MBNL1: variants seen among roughly 807,000 people sequenced by gnomAD.
MBNL1 encodes muscleblind like splicing regulator 1.
A neutral mutation model predicts 42.2 loss-of-function variants in MBNL1; 8 were observed. That is an observed-to-expected ratio of 0.19 (90% CI 0.11 to 0.34). The LOEUF is 0.34. Ranked by LOEUF, MBNL1 falls within the 10% of genes least tolerant of loss-of-function variation. The probability of loss-of-function intolerance (pLI) is 1.00; values close to 1 mark genes in which losing one functional copy is unlikely to be tolerated. For missense variants in MBNL1, 309 were observed against 495.3 expected (o/e 0.62, Z 3.57); for synonymous variants, 169 against 173.9 (o/e 0.97, Z 0.22).
At chr3:152,264,951 T>C (rs550707619), upstream of MBNL1, 9 of 152,160 alleles carry the variant, frequency 5.9e-5, no homozygotes, top group African/African-American at 2.2e-4. Flanking sequence ...ATACATATTT[T>C]TATTTTTAAA....
chr3:152,344,402 C>G (rs951861607), intron 2 of MBNL1, among the ~76,000 whole-genome samples: 1 of 152,114 alleles, frequency 6.6e-6, no homozygotes, highest in African/African-American at 2.4e-5. Context: ...TTTAGGTAGT[C>G]CTAACAGGTA....
chr3:152,456,136 G>A, intron 7 of MBNL1, 131 bp from the exon 8 acceptor site: 1 of 670,660 alleles, frequency 1.5e-6, no homozygotes, highest in Non-Finnish European at 2.8e-6. Flanking sequence ...GTCACTCGCT[G>A]GTGATGATGT....
chr3:152,253,437 T>A (rs1229816817), intron 2 of MBNL1, among the ~76,000 whole-genome samples: 1 of 152,144 alleles, frequency 6.6e-6, no homozygotes, highest in Non-Finnish European at 1.5e-5. Context: ...GACGTCTCTG[T>A]TTTTGTGTTA....
At position 152,269,046 on chromosome 3, in the gene MBNL1, G is replaced by T; in HGVS notation, c.-836G>T. The T allele has an allele frequency of 2.2e-6, 1 of 456,164 alleles. No individual in the cohort carries two copies. Among genetic ancestry groups the T allele is most frequent in the Non-Finnish European group, 4.4e-6 (1 of 226,950 alleles). 28.3% of individuals were successfully genotyped at this position (456,164 alleles called of 1,614,324 possible). A position where few individuals can be genotyped will look rare whatever the true frequency, so the allele number is the denominator to read the frequency against. On this transcript the variant is annotated 5_prime_UTR_variant, in exon 1 of 10. Transcript: ENST00000324210. ...GAATCATGACTCCCACAATGCCTTG[G>T]GCACTTGGTCGACAGTGGGGCCGCC... is the stretch of plus-strand genomic sequence containing the variant.
chr3:152,280,227 C>T (rs981218931), intron 1 of MBNL1, among the ~76,000 whole-genome samples: 10 of 151,988 alleles, frequency 6.6e-5, no homozygotes, highest in Admixed American at 2.6e-4. Flanking sequence ...AAATAATGGA[C>T]GGGCAAAACA....
intron 3 of MBNL1, among the ~76,000 whole-genome samples, chr3:152,425,695 G>A (rs2098919041): frequency 6.6e-6 from 1 of 152,060 alleles, no homozygotes; most frequent in Non-Finnish European, 1.5e-5. Context: ...TTAGAAAGTC[G>A]GGGAACAACA....
chr3:152,416,323 T>C (rs1029382771), intron 3 of MBNL1, among the ~76,000 whole-genome samples: 1 of 152,220 alleles, frequency 6.6e-6, no homozygotes, highest in East Asian at 1.9e-4. Context: ...GATCTGGTTT[T>C]TTCCCCTATG....
upstream of MBNL1, chr3:152,265,124 A>G (rs2036976183): frequency 6.6e-6 from 1 of 152,196 alleles, no homozygotes; most frequent in South Asian, 2.1e-4. Context: ...CCTGTTGTGA[A>G]GTTTAATGTG....
At chr3:152,266,041 G>C (rs1362091446), upstream of MBNL1, 1 of 152,188 alleles carries the variant, frequency 6.6e-6, no homozygotes, top group East Asian at 1.9e-4. Context: ...ATGATCTGGT[G>C]TTTGTTACAG....
At chr3:152,335,480 T>C (rs2152727801) in intron 2 of MBNL1, among the ~76,000 whole-genome samples, 1 of 152,338 alleles carries the variant, frequency 6.6e-6, no homozygotes. Flanking sequence ...GTTCAGTACT[T>C]CAGTAGATGG....
intron 2 of MBNL1, among the ~76,000 whole-genome samples, chr3:152,323,505 T>A (rs1401084291): frequency 6.6e-6 from 1 of 152,114 alleles, no homozygotes. Context: ...GGGGATATAT[T>A]CTGTGTGTCA....
chr3:152,430,695 G>C (rs112821316), intron 3 of MBNL1, among the ~76,000 whole-genome samples: 144 of 152,322 alleles, frequency 9.5e-4, no homozygotes, highest in African/African-American at 3.3e-3. Flanking sequence ...AGAGTGGACA[G>C]TGGCACAGCA....
intron 1 of MBNL1, among the ~76,000 whole-genome samples, chr3:152,297,933 C>A (rs527352120): frequency 6.6e-6 from 1 of 152,112 alleles, no homozygotes; most frequent in Admixed American, 6.5e-5. Context: ...GGATTACAGG[C>A]GTGATCCACC....
At chr3:152,341,935 T>G (rs779655879) in intron 2 of MBNL1, among the ~76,000 whole-genome samples, 4 of 152,210 alleles carry the variant, frequency 2.6e-5, no homozygotes, top group Non-Finnish European at 4.4e-5. Flanking sequence ...TATTCAAAAT[T>G]AAAATGGTGT....
chr3:152,330,257 G>A (rs896295614), intron 2 of MBNL1, among the ~76,000 whole-genome samples: 2 of 152,148 alleles, frequency 1.3e-5, no homozygotes, highest in Non-Finnish European at 2.9e-5. Flanking sequence ...TGGGACTACA[G>A]ATGCACACCA....
intron 2 of MBNL1, among the ~76,000 whole-genome samples, chr3:152,333,069 C>T (rs2152687026): frequency 6.6e-6 from 1 of 152,238 alleles, no homozygotes; most frequent in Non-Finnish European, 1.5e-5. Context: ...GAAGCTCTCT[C>T]TAAACTCATA....
rs375748061 is a variant in MBNL1, at chr3:152,316,069, G to T, written c.174+15702G>T. Among the ~76,000 whole-genome samples the T allele has an allele frequency of 1.2e-4, 18 of 152,216 alleles. No individual in the cohort carries two copies. In the South Asian group the frequency reaches 3.7e-3, roughly 32 times the overall value. ...AAGGGTTTGCTTGACTTTTCAAAAT[G>T]TATTTGCTTCAGGATAAATTGAAGA... On this transcript the variant is annotated intron_variant, in intron 2 of 9. Transcript: ENST00000324210.
intron 3 of MBNL1, among the ~76,000 whole-genome samples, chr3:152,427,617 G>C (rs942152290): frequency 5.9e-5 from 9 of 151,922 alleles, no homozygotes; most frequent in African/African-American, 2.2e-4. Context: ...TTAGCTTTTG[G>C]CACTGTTTAT....
intron 2 of MBNL1, among the ~76,000 whole-genome samples, chr3:152,383,266 C>A (rs2097261402): frequency 6.6e-6 from 1 of 152,018 alleles, no homozygotes; most frequent in East Asian, 1.9e-4. Flanking sequence ...GGGATTCTTA[C>A]AAAGTCCACC....
Sources: allele counts gnomAD v4.1 joint callset (sites outside exome capture counted in the v4.1 genomes callset), GRCh38; gene constraint gnomAD v4.1.1; transcripts MANE v1.5; gene names NCBI Gene and HGNC (gene_info 2026-07-23, HGNC 2026-07-21).